Variants in DYRK4 observed in about 807,000 individuals in gnomAD.
The protein encoded by DYRK4 is dual specificity tyrosine-phosphorylation-regulated kinase 4.
In DYRK4, 64 loss-of-function variants were observed where a neutral mutation model predicts 68.3. The observed-to-expected ratio is 0.94, with a 90% CI of 0.77 to 1.15. The LOEUF (loss-of-function observed/expected upper bound fraction) is 1.15, where lower values mean the gene tolerates loss of function less well. Among genes scored for constraint, DYRK4 ranks in the 50% most tolerant of loss-of-function variants. The pLI, the probability that DYRK4 is intolerant of heterozygous loss-of-function variation, is 0.00. For missense variants in DYRK4, 740 were observed against 764.7 expected (o/e 0.97, Z 0.38); for synonymous variants, 274 against 289.9 (o/e 0.95, Z 0.56).
chr12:4,567,870 C>G, intron 1 of DYRK4, 85 bp from the exon 2 acceptor site: 5 of 1,183,238 alleles, frequency 4.2e-6, no homozygotes, highest in Non-Finnish European at 6.0e-6. Flanking sequence ...TCAAACCTGC[C>G]TGCTTTCTTC....
intron 2 of DYRK4, among the ~76,000 whole-genome samples, chr12:4,588,166 C>T (rs904671991): frequency 4.6e-5 from 7 of 152,070 alleles, no homozygotes; most frequent in African/African-American, 1.7e-4. Context: ...CTCAAGTGAT[C>T]GTCCCACCTC....
intron 2 of DYRK4, among the ~76,000 whole-genome samples, chr12:4,584,575 A>AC (rs1944876057): frequency 1.9e-5 from 1 of 53,182 alleles, no homozygotes; most frequent in Non-Finnish European, 3.4e-5. Flanking sequence ...TTTTTTTTTG[A>AC]GGCAGAGTCT....
chr12:4,592,917 A>T, intron 5 of DYRK4, 85 bp from the exon 6 acceptor site: 1 of 1,523,506 alleles, frequency 6.6e-7, no homozygotes, highest in South Asian at 1.3e-5. Flanking sequence ...ATGGCTCGTG[A>T]CCTGGAAGGG....
In DYRK4 at chr12:4,593,279, G is replaced by A. The variant is rs1212050443; in HGVS notation, c.627+114G>A. The A allele has an allele frequency of 3.3e-6, 4 of 1,225,704 alleles. No homozygotes were observed. The African/African-American group carries it at 6.1e-5, about 19-fold the overall frequency. 75.9% of individuals were successfully genotyped at this position (1,225,704 alleles called of 1,614,324 possible). A position where few individuals can be genotyped will look rare whatever the true frequency, so the allele number is the denominator to read the frequency against. ...TTTGGGGCTGATACGTTGGAGACTA[G>A]ATATCCTGAAGTATTCTGGTAGTGC... On this transcript the variant is annotated intron_variant, in intron 6 of 14. Coordinates refer to ENST00000543431, the MANE Select transcript of DYRK4 (RefSeq NM_001394779.1).
At chr12:4,601,669 C>A (rs1945081469) in intron 10 of DYRK4, among the ~76,000 whole-genome samples, 1 of 152,004 alleles carries the variant, frequency 6.6e-6, no homozygotes, top group African/African-American at 2.4e-5. Context: ...TGGAGATGAG[C>A]CTGGAAGAGC....
At chr12:4,594,076 C>T (rs750655822) in intron 6 of DYRK4, among the ~76,000 whole-genome samples, 2 of 152,184 alleles carry the variant, frequency 1.3e-5, no homozygotes, top group Non-Finnish European at 2.9e-5. Context: ...TTCTGTCACA[C>T]AGCTGCCTTC....
rs541540418 is a variant in DYRK4, at chr12:4,568,044, C to A, written c.128C>A (p.Ala43Glu). Residue 43 changes from alanine to glutamate, a missense_variant, in exon 2 of 15, where the codon GCG becomes GAG. By Grantham distance (107) the Ala-to-Glu change is moderately radical (BLOSUM62 -1). Around this residue, in one of 3 missense-constraint regions of DYRK4, gnomAD observed 70 missense variants for 71.1 expected, o/e 0.98. Coordinates refer to ENST00000543431, the MANE Select transcript of DYRK4 (RefSeq NM_001394779.1). ...KARKKQKFTSAKVGSKLSVQI... is the reference protein window; with the variant it reads ...KARKKQKFTSEKVGSKLSVQI... ...AGAAAGAAACAAAAGTTCACCTCTG[C>A]GAAGGTAAAGATCCTTGAATTTTCA... 6.5e-7 allele frequency: 1 copy of A among 1,535,914 alleles called. No individual in the cohort carries two copies. The highest frequency in any genetic ancestry group is 1.4e-5 in the African/African-American group (1 of 73,148).
Position 4,613,692 on chromosome 12 carries a change from C to A in DYRK4, c.1844C>A (p.Ser615Tyr), listed in dbSNP as rs759186486. Reference sequence around the variant, plus strand: ...GTCGGGGCGGAGGTGTCCATGACCTCCCCAGGACAGAGCAAAAACTTCTCC... The same window carrying A: ...GTCGGGGCGGAGGTGTCCATGACCTACCCAGGACAGAGCAAAAACTTCTCC... The part of the protein sequence containing the change: ...AAVGAEVSMT[S>Y]PGQSKNFSLK... Residue 615 changes from serine (S) to tyrosine (Y), a missense_variant, in exon 15 of 15, where the codon TCC becomes TAC. Transcript: ENST00000543431. This position sits in a 1 kb window ranked among gnomAD's most constrained non-coding sequence, Gnocchi z 4.0. The A allele has an allele frequency of 4.4e-6, 7 of 1,595,422 alleles. No homozygotes were observed. In the South Asian group the frequency reaches 7.8e-5, roughly 18 times the overall value.
At chr12:4,573,094 CTA>C (rs2137327054) in intron 2 of DYRK4, 1 of 344,464 alleles carries the variant, frequency 2.9e-6, no homozygotes, top group East Asian at 8.0e-5. Context: ...GGTTGGCACA[CTA>C]TTATTTATGG....
Position 4,591,375 on chromosome 12 carries a change from G to A in DYRK4, c.463+77G>A. ...GTGTTAAGAGCTAAGCTGCGCTGGA[G>A]TGAGCTAAGCTGCCAGGTGTCAGAG... On this transcript the variant is annotated intron_variant, in intron 5 of 14. Coordinates refer to ENST00000543431, the MANE Select transcript of DYRK4 (RefSeq NM_001394779.1). The surrounding 1 kb of genome is among the most constrained non-coding windows in gnomAD (Gnocchi z 4.1). 2 of 1,550,714 alleles carry A rather than the reference G, an allele frequency of 1.3e-6. No homozygotes were observed. Among genetic ancestry groups the A allele is most frequent in the Admixed American group, 2.0e-5 (1 of 50,682 alleles).
rs780972192 is a variant in DYRK4 at position 4,605,047 on chromosome 12, C to G, written c.1260C>G (p.Pro420=). 3 of 1,613,856 alleles carry G rather than the reference C, an allele frequency of 1.9e-6. No individual in the cohort carries two copies. In the African/African-American group the frequency reaches 4.0e-5, roughly 22 times the overall value. ...TGTACACGGGCTACCCCCTGTTCCC[C>G]GGGGAGAATGAGGTGGAGCAGCTGG... ...AELYTGYPLF[P]GENEVEQLAC... is the part of the protein sequence containing the mutation. Residue 420 remains proline, a synonymous_variant, in exon 11 of 15, where the codon CCC becomes CCG. Coordinates refer to ENST00000543431, the MANE Select transcript of DYRK4 (RefSeq NM_001394779.1).
rs574895551 is a variant in DYRK4, at chr12:4,607,539, C to T, written c.1360+152C>T. The T allele has an allele frequency of 2.3e-5, 19 of 833,150 alleles. No homozygotes were observed. In the East Asian group the frequency reaches 2.7e-4, roughly 12 times the overall value. 51.6% of individuals were successfully genotyped at this position (833,150 alleles called of 1,614,324 possible). ...AGTAAAAGATAATGAGCAGGGGAATCGGATAGCATGTTGGAGATGGGATGG... is the reference window on the plus strand; with the variant it reads ...AGTAAAAGATAATGAGCAGGGGAATTGGATAGCATGTTGGAGATGGGATGG... On this transcript the variant is annotated intron_variant, in intron 12 of 14. Coordinates refer to ENST00000543431, the MANE Select transcript of DYRK4 (RefSeq NM_001394779.1).
intron 2 of DYRK4, among the ~76,000 whole-genome samples, chr12:4,582,701 G>A (rs542934381): frequency 5.9e-5 from 9 of 152,260 alleles, no homozygotes; most frequent in Admixed American, 2.0e-4. Flanking sequence ...ATGACATGGC[G>A]GTGGGGTGGG....
chr12:4,605,722 G>C (rs1442841305), intron 11 of DYRK4, among the ~76,000 whole-genome samples: 6 of 127,082 alleles, frequency 4.7e-5, no homozygotes, highest in African/African-American at 1.7e-4. Context: ...AAAATGAATA[G>C]AGCTGGGTTT....
At position 4,591,294 on chromosome 12, in the gene DYRK4, G is replaced by A. The variant is rs1225838659; in HGVS notation, c.459G>A (p.Ala153=). The change falls in exon 5 of 15, where the codon GCG becomes GCA. Residue 153 remains alanine (A), a synonymous_variant. Coordinates refer to ENST00000543431, the MANE Select transcript of DYRK4 (RefSeq NM_001394779.1). The surrounding 1 kb of genome is among the most constrained non-coding windows in gnomAD (Gnocchi z 4.1). ...SPKKQKVTLT[A]AEALKLFKNQ... is the part of the protein sequence containing the mutation. ...AGAAGCAAAAGGTGACTCTGACAGC[G>A]GCAGGTATGCCTTTGGGGCAGTAGC... The A allele has an allele frequency of 6.8e-6, 11 of 1,613,864 alleles. No homozygotes were observed. Among genetic ancestry groups the A allele is most frequent in the African/African-American group, 2.7e-5 (2 of 74,906 alleles).
chr12:4,605,523 C>T (rs1945134736), intron 11 of DYRK4, among the ~76,000 whole-genome samples: 3 of 151,864 alleles, frequency 2.0e-5, no homozygotes, highest in Admixed American at 6.6e-5. Context: ...GAATTTTATT[C>T]TAATTTAATA....
intron 2 of DYRK4, among the ~76,000 whole-genome samples, chr12:4,580,004 A>G (rs1944826415): frequency 6.6e-6 from 1 of 152,170 alleles, no homozygotes; most frequent in Admixed American, 6.5e-5. Flanking sequence ...TCACTTGGAT[A>G]ATGTTTGCCT....
intron 3 of DYRK4, among the ~76,000 whole-genome samples, chr12:4,589,614 A>G (rs1314880394): frequency 3.3e-5 from 5 of 152,262 alleles, no homozygotes; most frequent in South Asian, 4.1e-4. Context: ...TTCACTTAGC[A>G]TAATGATCTC....
intron 8 of DYRK4, chr12:4,596,950 C>A: frequency 7.1e-7 from 1 of 1,400,044 alleles, no homozygotes; most frequent in Admixed American, 3.2e-5. Context: ...TGATGTACTT[C>A]CCTGGTGCTG....
Sources: allele counts gnomAD v4.1 joint callset (sites outside exome capture counted in the v4.1 genomes callset), GRCh38; gene constraint gnomAD v4.1.1; regional missense constraint gnomAD v4.1.1; non-coding constraint Gnocchi (gnomAD v3.1); transcripts MANE v1.5; gene names NCBI Gene and HGNC (gene_info 2026-07-23, HGNC 2026-07-21).